The following PCDH9 variants were observed in gnomAD, a reference collection of about 807,000 sequenced individuals.
The protein encoded by PCDH9 is protocadherin-9.
PCDH9 carries 24 observed loss-of-function variants against 70.6 expected under a neutral mutation model. That is an observed-to-expected ratio of 0.34 (90% CI 0.25 to 0.48). PCDH9 has a LOEUF of 0.48. PCDH9 is among the 20% of genes least tolerant of loss of function. The pLI, the probability that PCDH9 is intolerant of heterozygous loss-of-function variation, is 0.99. For missense variants in PCDH9, 1,281 were observed against 1,503.6 expected (o/e 0.85, Z 2.45); for synonymous variants, 562 against 558.5 (o/e 1.01, Z -0.09).
At chr13:67,199,856 G>A (rs1045491344) in intron 2 of PCDH9, among the ~76,000 whole-genome samples, 3 of 151,980 alleles carry the variant, frequency 2.0e-5, no homozygotes, top group Non-Finnish European at 4.4e-5. Flanking sequence ...AACATGCTCT[G>A]TTTTGTGTGC....
At chr13:67,077,734 T>C (rs769454184) in intron 2 of PCDH9, among the ~76,000 whole-genome samples, 15 of 152,166 alleles carry the variant, frequency 9.9e-5, no homozygotes, top group Non-Finnish European at 1.8e-4. Flanking sequence ...TTGATTCTAT[T>C]GTCAATCTGT....
At chr13:66,343,286 T>A (rs533792362) in intron 4 of PCDH9, among the ~76,000 whole-genome samples, 9 of 152,292 alleles carry the variant, frequency 5.9e-5, no homozygotes, top group African/African-American at 2.2e-4. Flanking sequence ...GTCACAAGTC[T>A]GGTACAGAGT....
At chr13:67,000,731 A>G (rs1477977958) in intron 2 of PCDH9, among the ~76,000 whole-genome samples, 1 of 152,194 alleles carries the variant, frequency 6.6e-6, no homozygotes, top group Non-Finnish European at 1.5e-5. Flanking sequence ...TTTGTGCAGT[A>G]AGAAACTAAT....
intron 4 of PCDH9, among the ~76,000 whole-genome samples, chr13:66,458,358 G>T (rs969165385): frequency 1.3e-5 from 2 of 151,890 alleles, no homozygotes; most frequent in Non-Finnish European, 2.9e-5. Flanking sequence ...ATTTTCAAAA[G>T]AATATTTTAT....
At chr13:67,077,642 A>G (rs2085903918) in intron 2 of PCDH9, among the ~76,000 whole-genome samples, 1 of 152,196 alleles carries the variant, frequency 6.6e-6, no homozygotes, top group Admixed American at 6.5e-5. Flanking sequence ...TGACATCAAC[A>G]TTGTTCAAGA....
intron 4 of PCDH9, among the ~76,000 whole-genome samples, chr13:66,522,883 C>T (rs4144493): frequency 0.24 from 36,801 of 151,772 alleles, 4,860 homozygotes; most frequent in South Asian, 0.35. Flanking sequence ...GTTTTTTTAA[C>T]GTCACCCAGC....
chr13:66,737,753 G>A (rs2079176728), intron 3 of PCDH9, among the ~76,000 whole-genome samples: 4 of 152,144 alleles, frequency 2.6e-5, no homozygotes, highest in Non-Finnish European at 4.4e-5. Context: ...CTGGAAAATC[G>A]GGCCACTCCC....
intron 3 of PCDH9, among the ~76,000 whole-genome samples, chr13:66,656,008 A>G (rs2077923484): frequency 6.6e-6 from 1 of 152,196 alleles, no homozygotes; most frequent in Admixed American, 6.5e-5. Context: ...TTAATCAGGC[A>G]TTTGGTTGCA....
intron 3 of PCDH9, among the ~76,000 whole-genome samples, chr13:66,773,624 CG>C (rs2079844811): frequency 6.9e-6 from 1 of 145,418 alleles, no homozygotes; most frequent in African/African-American, 2.5e-5. Flanking sequence ...AGCCAGACAC[CG>C]TCTCAAAAAA....
At chr13:66,675,023 C>T (rs1246499662) in intron 3 of PCDH9, among the ~76,000 whole-genome samples, 2 of 152,004 alleles carry the variant, frequency 1.3e-5, no homozygotes, top group Non-Finnish European at 2.9e-5. Context: ...TTTACGAGTG[C>T]AATCTTATGT....
intron 2 of PCDH9, among the ~76,000 whole-genome samples, chr13:67,069,691 T>C (rs947053817): frequency 2.6e-5 from 4 of 152,144 alleles, no homozygotes; most frequent in African/African-American, 9.7e-5. Context: ...CAGACCACAA[T>C]ATTTCTTTAT....
chr13:66,973,317 TA>T (rs910943185), intron 2 of PCDH9, among the ~76,000 whole-genome samples: 33 of 152,140 alleles, frequency 2.2e-4, no homozygotes, highest in African/African-American at 7.7e-4. Context: ...GGTTCACTTT[TA>T]TTTTTTTAAT....
chr13:66,917,198 CA>C (rs1356870966), intron 2 of PCDH9, among the ~76,000 whole-genome samples: 7 of 151,424 alleles, frequency 4.6e-5, no homozygotes, highest in Non-Finnish European at 1.0e-4. Context: ...AACTTTTGCT[CA>C]ATTTATTCTT....
At chr13:66,565,593 G>A (rs563510048) in intron 4 of PCDH9, among the ~76,000 whole-genome samples, 2 of 152,294 alleles carry the variant, frequency 1.3e-5, no homozygotes, top group South Asian at 2.1e-4. Context: ...CATATAGTTA[G>A]TAATCTCATC....
intron 4 of PCDH9, among the ~76,000 whole-genome samples, chr13:66,577,972 C>A (rs549567913): frequency 6.6e-6 from 1 of 152,140 alleles, no homozygotes; most frequent in South Asian, 2.1e-4. Flanking sequence ...GTCCCTTAAT[C>A]ACAACTACTG....
At chr13:66,445,632 A>ATG (rs1958069613) in intron 4 of PCDH9, among the ~76,000 whole-genome samples, 1 of 144,524 alleles carries the variant, frequency 6.9e-6, no homozygotes, top group Non-Finnish European at 1.5e-5. Context: ...CATATATATT[A>ATG]TATACACATA....
intron 4 of PCDH9, among the ~76,000 whole-genome samples, chr13:66,346,065 T>G (rs1290015073): frequency 6.6e-6 from 1 of 152,152 alleles, no homozygotes; most frequent in Non-Finnish European, 1.5e-5. Flanking sequence ...CCACAAAGAC[T>G]AGGAATTGTC....
At chr13:66,926,995 C>T (rs2082727161) in intron 2 of PCDH9, among the ~76,000 whole-genome samples, 1 of 152,072 alleles carries the variant, frequency 6.6e-6, no homozygotes, top group Non-Finnish European at 1.5e-5. Context: ...TCCGGTCTCA[C>T]TGTTTTTCTT....
intron 4 of PCDH9, among the ~76,000 whole-genome samples, chr13:66,449,730 G>A (rs897257214): frequency 5.3e-5 from 8 of 151,898 alleles, no homozygotes; most frequent in African/African-American, 1.9e-4. Context: ...ATGCATAATG[G>A]CCTTCTAAAT....
Sources: gnomAD v4.1 joint callset for allele counts (sites outside exome capture counted in the v4.1 genomes callset) on GRCh38, gnomAD v4.1.1 for gene constraint, MANE v1.5 for transcripts, NCBI Gene and HGNC (gene_info 2026-07-23, HGNC 2026-07-21) for gene names.